TUBG1: variants seen among roughly 807,000 people sequenced by gnomAD.
TUBG1 encodes the protein tubulin gamma 1, also known as tubulin gamma-1 chain.
A neutral mutation model predicts 53.3 loss-of-function variants in TUBG1; 22 were observed. That is an observed-to-expected ratio of 0.41 (90% CI 0.29 to 0.59). TUBG1 has a LOEUF of 0.59. TUBG1 is among the 20% of genes least tolerant of loss of function. The pLI, the probability that TUBG1 is intolerant of heterozygous loss-of-function variation, is 0.26. For missense variants in TUBG1, 217 were observed against 598.9 expected, an observed-to-expected ratio of 0.36 and a Z score of 6.66; for synonymous variants, 198 against 236.7, an observed-to-expected ratio of 0.84 and a Z score of 1.50.
At chr17:42,610,745 T>A in intron 3 of TUBG1, 155 bp downstream of exon 3, 1 of 1,059,164 alleles carries the variant, frequency 9.4e-7, no homozygotes, top group Non-Finnish European at 1.4e-6. Context: ...GTCAAGCGCC[T>A]ACACTAGCTA....
rs906507661 is a variant in TUBG1, at chr17:42,615,224, C to T, written c.*183C>T. 4.1e-5 allele frequency: 25 copies of T among 604,800 alleles called. No homozygotes were observed. Among genetic ancestry groups the T allele is most frequent in the Non-Finnish European group, 6.3e-5 (22 of 348,338 alleles). 37.5% of individuals were successfully genotyped at this position (604,800 alleles called of 1,614,324 possible). ...GAGACTATTTATCTTTAATAAAGCA[C>T]TGGATATAAATCAAGTCACTGCTCC... On this transcript the variant is annotated 3_prime_UTR_variant, in exon 11 of 11. Coordinates refer to ENST00000251413, the MANE Select transcript of TUBG1 (RefSeq NM_001070.5).
chr17:42,613,623 T>C (rs769650063), intron 6 of TUBG1, 24 bp from the exon 7 acceptor site: 73 of 1,614,148 alleles, frequency 4.5e-5, no homozygotes, highest in Non-Finnish European at 6.1e-5. Context: ...CCCATTGATC[T>C]GTGATCCTCT....
intron 6 of TUBG1, 36 bp downstream of exon 6, chr17:42,613,109 AC>A (rs2052048958): frequency 1.3e-6 from 2 of 1,596,578 alleles, no homozygotes; most frequent in Admixed American, 1.8e-5. Context: ...AACTCTCAAC[AC>A]CCCATACCCA....
chr17:42,610,701 A>G, intron 3 of TUBG1, 111 bp downstream of exon 3: 1 of 1,501,832 alleles, frequency 6.7e-7, no homozygotes, highest in Non-Finnish European at 9.1e-7. Flanking sequence ...CTGGAGGGAG[A>G]GACCTGGCTG....
rs540715371 is a variant in TUBG1 at position 42,613,959 on chromosome 17, C to T, written c.804C>T (p.Phe268=). The T allele has an allele frequency of 4.3e-6, 7 of 1,614,226 alleles. No homozygotes were observed. In the East Asian group the frequency reaches 1.3e-4, roughly 31 times the overall value. The change falls in exon 8 of 11, where the codon TTC becomes TTT. Residue 268 remains phenylalanine (F), a synonymous_variant. Coordinates refer to ENST00000251413, the MANE Select transcript of TUBG1 (RefSeq NM_001070.5). ...ASLIPTPRLH[F]LMTGYTPLTT... ...TCATTCCCACCCCACGGCTCCACTT[C>T]CTCATGACCGGCTACACCCCTCTCA...
At position 42,612,204 on chromosome 17, in the gene TUBG1, G is replaced by A. The variant is rs2052041708; in HGVS notation, c.399+61G>A. Reference sequence around the variant, plus strand: ...GGGCAAGGCTTGGCAGCACCCTCTAGAAGCGACCTGTTAGGAACAAGACCC... The same window carrying A: ...GGGCAAGGCTTGGCAGCACCCTCTAAAAGCGACCTGTTAGGAACAAGACCC... On this transcript the variant is annotated intron_variant, in intron 4 of 10. Transcript: ENST00000251413. The A allele has an allele frequency of 2.6e-6, 4 of 1,561,086 alleles. No homozygotes were observed. In the African/African-American group the frequency reaches 4.1e-5, roughly 16 times the overall value.
chr17:42,611,687 T>G (rs1244007665), intron 3 of TUBG1, among the ~76,000 whole-genome samples: 1 of 152,110 alleles, frequency 6.6e-6, no homozygotes, highest in Non-Finnish European at 1.5e-5. Flanking sequence ...GAAACTCTGA[T>G]TCTACTAAAA....
At chr17:42,612,876 AGTT>A (rs2052047260) in intron 5 of TUBG1, 68 bp from the exon 6 acceptor site, 2 of 1,590,586 alleles carry the variant, frequency 1.3e-6, no homozygotes, top group African/African-American at 1.3e-5. Context: ...GCTTCTGGAC[AGTT>A]GTTAGGGAGC....
At position 42,612,524 on chromosome 17, in the gene TUBG1, G is replaced by T. The variant is rs370373585; in HGVS notation, c.479+18G>T. 4.2e-4 allele frequency: 682 copies of T among 1,613,476 alleles called. 1 individual carries two copies. Among genetic ancestry groups the T allele is most frequent in the Non-Finnish European group, 5.3e-4 (622 of 1,179,602 alleles). On this transcript the variant is annotated intron_variant, in intron 5 of 10. Coordinates refer to ENST00000251413, the MANE Select transcript of TUBG1 (RefSeq NM_001070.5). Reference sequence around the variant, plus strand: ...AATGACAGGTAAGTTTGTGTTTGGGGATTAGGAAAGGTCTCCAACTTGGCT... The same window carrying T: ...AATGACAGGTAAGTTTGTGTTTGGGTATTAGGAAAGGTCTCCAACTTGGCT...
chr17:42,613,844 C>G lies in TUBG1; in HGVS notation c.694-5C>G, dbSNP rs749919108. On this transcript the variant is annotated splice_region_variant and splice_polypyrimidine_tract_variant and intron_variant, in intron 7 of 10. Coordinates refer to ENST00000251413, the MANE Select transcript of TUBG1 (RefSeq NM_001070.5). ...AGGCCCATAACATGGCACGCCTGTC[C>G]CCAGGTGTCTACCATCATGTCAGCC... 6 of 1,614,158 alleles carry G rather than the reference C, an allele frequency of 3.7e-6. No individual in the cohort carries two copies. In the Admixed American group the frequency reaches 8.3e-5, roughly 22 times the overall value.
Position 42,614,395 on chromosome 17 carries a change from G to C in TUBG1, c.979G>C (p.Glu327Gln). 6.2e-7 allele frequency: 1 copy of C among 1,613,966 alleles called. No individual in the cohort carries two copies. The highest frequency in any genetic ancestry group is 8.5e-7 in the Non-Finnish European group (1 of 1,179,886). ...YIAILNIIQG[E>Q]VDPTQVHKSL... ...CGCCATCCTCAACATCATCCAGGGA[G>C]AGGTGGACCCCACCCAGGTAGGGGA... Residue 327 changes from glutamate to glutamine, a missense_variant, in exon 9 of 11, where the codon GAG becomes CAG. Coordinates refer to ENST00000251413, the MANE Select transcript of TUBG1 (RefSeq NM_001070.5). This position sits in a 1 kb window ranked among gnomAD's most constrained non-coding sequence, Gnocchi z 5.1.
rs776621424 is a variant in TUBG1 at position 42,613,010 on chromosome 17, G to C, written c.543G>C (p.Val181=). ...CCAACCAGGACGAGATGAGCGATGTGGTGGTCCAGCCTTACAATTCACTCC... is the reference window on the plus strand; with the variant it reads ...CCAACCAGGACGAGATGAGCGATGTCGTGGTCCAGCCTTACAATTCACTCC... ...VFPNQDEMSD[V]VVQPYNSLLT... Residue 181 remains valine (V), a synonymous_variant, in exon 6 of 11, where the codon GTG becomes GTC. Transcript: ENST00000251413. 2 of 1,614,116 alleles carry C rather than the reference G, an allele frequency of 1.2e-6. No homozygotes were observed.
intron 5 of TUBG1, 36 bp downstream of exon 5, chr17:42,612,542 A>T: frequency 6.2e-7 from 1 of 1,606,156 alleles, no homozygotes; most frequent in Non-Finnish European, 8.5e-7. Context: ...AAGGTCTCCA[A>T]CTTGGCTTCC....
In TUBG1 at chr17:42,612,059, C is replaced by G. The variant is rs558457693; in HGVS notation, c.331-16C>G. On this transcript the variant is annotated splice_polypyrimidine_tract_variant and intron_variant, in intron 3 of 10. Transcript: ENST00000251413. ...ATGGTTCTGTCCCACTCTGACCCTC[C>G]CCTATGTCTGTACAGGGAGAAAAGA... 4 of 1,613,786 alleles carry G rather than the reference C, an allele frequency of 2.5e-6. No individual in the cohort carries two copies. The highest frequency in any genetic ancestry group is 2.5e-6 in the Non-Finnish European group (3 of 1,179,874).
At chr17:42,612,693 C>T (rs2143452724) in intron 5 of TUBG1, among the ~76,000 whole-genome samples, 187 bp downstream of exon 5, 1 of 152,238 alleles carries the variant, frequency 6.6e-6, no homozygotes, top group African/African-American at 2.4e-5. Flanking sequence ...GAACTGGAGC[C>T]TAGAACCTGA....
chr17:42,612,909 C>G, intron 5 of TUBG1, 38 bp from the exon 6 acceptor site: 2 of 1,611,210 alleles, frequency 1.2e-6, no homozygotes, highest in Non-Finnish European at 1.7e-6. Flanking sequence ...ACCAGGCCTT[C>G]GGTCTGTTGC....
chr17:42,609,754 T>A lies in TUBG1; in HGVS notation c.17T>A (p.Ile6Asn). MPREI[I>N]TLQLGQCGNQ... The stretch of plus-strand genomic sequence containing the variant: ...TGAGGAGCGATGCCGAGGGAAATCA[T>A]CACCCTACAGTTGGGCCAGTGCGGC... The change falls in exon 1 of 11, where the codon ATC becomes AAC. Residue 6 changes from isoleucine to asparagine, a missense_variant. By Grantham distance (149) the Ile-to-Asn change is moderately radical. This residue lies in a region of TUBG1 where 57 missense variants were observed against 169.3 expected (regional missense o/e 0.34). Coordinates refer to ENST00000251413, the MANE Select transcript of TUBG1 (RefSeq NM_001070.5). 1 of 1,551,232 alleles carries A rather than the reference T, an allele frequency of 6.4e-7. No individual in the cohort carries two copies. The highest frequency in any genetic ancestry group is 8.7e-7 in the Non-Finnish European group (1 of 1,146,790).
chr17:42,614,939 T>C lies in TUBG1; in HGVS notation c.1254T>C (p.Phe418=). ...AGGAGGACATGTTCAAGGACAACTT[T>C]GATGAGATGGACACATCCAGGGAGA... ...FRKEDMFKDN[F]DEMDTSREIV... The change falls in exon 11 of 11, where the codon TTT becomes TTC. Residue 418 remains phenylalanine, a synonymous_variant. Transcript: ENST00000251413. This position sits in a 1 kb window ranked among gnomAD's most constrained non-coding sequence, Gnocchi z 5.1. 1 of 1,614,240 alleles carries C rather than the reference T, an allele frequency of 6.2e-7. No homozygotes were observed. Among genetic ancestry groups the C allele is most frequent in the South Asian group, 1.1e-5 (1 of 91,086 alleles).
intron 3 of TUBG1, among the ~76,000 whole-genome samples, chr17:42,611,535 A>C (rs1360195139): frequency 6.6e-6 from 1 of 152,184 alleles, no homozygotes; most frequent in East Asian, 1.9e-4. Flanking sequence ...TAGAGCAATT[A>C]AATAAGCTGC....
Sources: gnomAD v4.1 joint callset for allele counts (sites outside exome capture counted in the v4.1 genomes callset) on GRCh38, gnomAD v4.1.1 for gene constraint, gnomAD v4.1.1 regional missense constraint, Gnocchi (gnomAD v3.1) non-coding constraint, MANE v1.5 for transcripts, NCBI Gene and HGNC (gene_info 2026-07-23, HGNC 2026-07-21) for gene names.